The following FBXL7 variants were observed in gnomAD, a reference collection of about 807,000 sequenced individuals.
The protein encoded by FBXL7 is F-box/LRR-repeat protein 7.
Under a neutral mutation model 38.3 loss-of-function variants are expected in FBXL7, and 12 were observed. The observed-to-expected ratio is 0.31, with a 90% CI of 0.20 to 0.51. The LOEUF (loss-of-function observed/expected upper bound fraction) is 0.51. Among genes scored for constraint, FBXL7 ranks in the 20% least tolerant of loss-of-function variants. The probability of loss-of-function intolerance (pLI) is 0.98; values close to 1 mark genes in which losing one functional copy is unlikely to be tolerated. For synonymous variants in FBXL7, 297 were observed against 300.9 expected (o/e 0.99, Z 0.13); for missense variants, 567 against 676.4 (o/e 0.84, Z 1.79).
rs534227666 is a variant in FBXL7, at chr5:15,716,664, G to T, written c.127+100592G>T. 3.3e-5 allele frequency among the ~76,000 whole-genome samples: 5 copies of T among 152,234 alleles called. No individual in the cohort carries two copies. In the East Asian group the frequency reaches 9.7e-4, roughly 29 times the overall value. ...TCTAGCATTGACATGATTTTTGCAT[G>T]CATCATGTTAAATTACAGATCCTTA... On this transcript the variant is annotated intron_variant, in intron 2 of 3. Coordinates refer to ENST00000504595, the MANE Select transcript of FBXL7 (RefSeq NM_012304.5).
intron 2 of FBXL7, among the ~76,000 whole-genome samples, chr5:15,670,106 G>T (rs1338480184): frequency 6.6e-6 from 1 of 152,016 alleles, no homozygotes; most frequent in Non-Finnish European, 1.5e-5. Context: ...GTTGTTTTGG[G>T]GATTATTTGT....
chr5:15,922,551 G>C (rs1407063628), intron 2 of FBXL7, among the ~76,000 whole-genome samples: 1 of 152,148 alleles, frequency 6.6e-6, no homozygotes, highest in Non-Finnish European at 1.5e-5. Flanking sequence ...CCCATTTTCA[G>C]TTACCAAAAG....
At chr5:15,775,111 A>G (rs757987425) in intron 2 of FBXL7, among the ~76,000 whole-genome samples, 6 of 152,232 alleles carry the variant, frequency 3.9e-5, no homozygotes, top group Non-Finnish European at 8.8e-5. Flanking sequence ...GTAAACATCA[A>G]ACAGCTAAGC....
At chr5:15,832,586 G>T (rs1300305268) in intron 2 of FBXL7, among the ~76,000 whole-genome samples, 2 of 152,152 alleles carry the variant, frequency 1.3e-5, no homozygotes, top group African/African-American at 4.8e-5. Flanking sequence ...AGGAGGTTTT[G>T]CAAGTGGCTA....
chr5:15,658,960 C>A (rs1279587344), intron 2 of FBXL7, among the ~76,000 whole-genome samples: 1 of 152,064 alleles, frequency 6.6e-6, no homozygotes, highest in Non-Finnish European at 1.5e-5. Flanking sequence ...GTTTCCTCCC[C>A]TACCTTCACT....
At chr5:15,754,819 A>T (rs756479835) in intron 2 of FBXL7, among the ~76,000 whole-genome samples, 23 of 152,272 alleles carry the variant, frequency 1.5e-4, no homozygotes, top group Non-Finnish European at 2.6e-4. Context: ...TGATTCTGGA[A>T]ATCATTAAAT....
chr5:15,638,085 A>G (rs988983000), intron 2 of FBXL7, among the ~76,000 whole-genome samples: 21 of 152,208 alleles, frequency 1.4e-4, no homozygotes, highest in African/African-American at 5.1e-4. Flanking sequence ...TTTGATGCCA[A>G]TGTCACCACC....
intron 2 of FBXL7, among the ~76,000 whole-genome samples, chr5:15,659,434 T>G (rs1251834928): frequency 1.3e-5 from 2 of 152,164 alleles, no homozygotes; most frequent in Non-Finnish European, 2.9e-5. Flanking sequence ...TTACAGTGTG[T>G]TGGTGGACAT....
chr5:15,834,334 C>G (rs1268946293), intron 2 of FBXL7, among the ~76,000 whole-genome samples: 2 of 152,130 alleles, frequency 1.3e-5, no homozygotes, highest in African/African-American at 4.8e-5. Flanking sequence ...AATTTTGTAT[C>G]TCACCCAGAA....
chr5:15,605,465 G>A (rs1739975177), intron 1 of FBXL7, among the ~76,000 whole-genome samples: 1 of 152,174 alleles, frequency 6.6e-6, no homozygotes. Flanking sequence ...ATTATGCTAG[G>A]TGGAATAAGC....
chr5:15,749,626 C>CA (rs376340639), intron 2 of FBXL7, among the ~76,000 whole-genome samples: 68 of 144,628 alleles, frequency 4.7e-4, no homozygotes, highest in South Asian at 2.4e-3. Flanking sequence ...GACTCCGTCT[C>CA]AAAAAAAAAA....
At chr5:15,509,960 C>T (rs1359942696) in intron 1 of FBXL7, among the ~76,000 whole-genome samples, 1 of 152,200 alleles carries the variant, frequency 6.6e-6, no homozygotes, top group East Asian at 1.9e-4. Flanking sequence ...CACTGACCAT[C>T]TCTGAATTTT....
intron 2 of FBXL7, among the ~76,000 whole-genome samples, chr5:15,819,639 G>T (rs986113902): frequency 7.2e-5 from 11 of 152,142 alleles, no homozygotes; most frequent in Non-Finnish European, 1.6e-4. Context: ...CTTAGTATCA[G>T]ATACCCTTTT....
intron 1 of FBXL7, among the ~76,000 whole-genome samples, chr5:15,579,504 C>T (rs978613654): frequency 6.6e-6 from 1 of 152,178 alleles, no homozygotes; most frequent in African/African-American, 2.4e-5. Context: ...CTTCCCTCAA[C>T]TAAACAATAT....
At chr5:15,878,838 T>C (rs1205679393) in intron 2 of FBXL7, among the ~76,000 whole-genome samples, 1 of 152,220 alleles carries the variant, frequency 6.6e-6, no homozygotes, top group Non-Finnish European at 1.5e-5. Flanking sequence ...CTTTTCAAGC[T>C]GCCCTTGGCT....
At chr5:15,869,861 A>G (rs1487891082) in intron 2 of FBXL7, among the ~76,000 whole-genome samples, 1 of 152,058 alleles carries the variant, frequency 6.6e-6, no homozygotes, top group Admixed American at 6.5e-5. Flanking sequence ...TGTAATCCCA[A>G]TACTTTGGGA....
intron 2 of FBXL7, among the ~76,000 whole-genome samples, chr5:15,852,819 T>C (rs1370213413): frequency 6.6e-6 from 1 of 152,208 alleles, no homozygotes; most frequent in African/African-American, 2.4e-5. Flanking sequence ...TTATTCTTAC[T>C]AGTTCAGTTT....
Position 15,886,623 on chromosome 5 carries a change from C to A in FBXL7, c.128-41267C>A, listed in dbSNP as rs1160400812. Among the ~76,000 whole-genome samples, 6 of 152,248 alleles carry A rather than the reference C, an allele frequency of 3.9e-5. No individual in the cohort carries two copies. In the East Asian group the frequency reaches 5.8e-4, roughly 15 times the overall value. ...ATCCCTACTTGGCCCCTTCCTGAGG[C>A]TGGTTTATGGATGGTTATCCTGCCA... On this transcript the variant is annotated intron_variant, in intron 2 of 3. Coordinates refer to ENST00000504595, the MANE Select transcript of FBXL7 (RefSeq NM_012304.5).
At position 15,756,388 on chromosome 5, in the gene FBXL7, T is replaced by TA. The variant is rs576150804; in HGVS notation, c.127+140321dup. On this transcript the variant is annotated intron_variant, in intron 2 of 3. Transcript: ENST00000504595. ...TAGTTTTATGATAACAGACCGGTTT[T>TA]AAAAATCTTACTTACCTCATCCTTA... is the stretch of plus-strand genomic sequence containing the variant. 1.4e-4 allele frequency among the ~76,000 whole-genome samples: 22 copies of TA among 152,324 alleles called. No individual in the cohort carries two copies. In the East Asian group the frequency reaches 4.2e-3, roughly 29 times the overall value.
Sources: allele counts gnomAD v4.1 joint callset (sites outside exome capture counted in the v4.1 genomes callset), GRCh38; gene constraint gnomAD v4.1.1; transcripts MANE v1.5; gene names NCBI Gene and HGNC (gene_info 2026-07-23, HGNC 2026-07-21).